The following GRM7 variants were observed in gnomAD, a reference collection of about 807,000 sequenced individuals.
The protein encoded by GRM7 is metabotropic glutamate receptor 7.
A neutral mutation model predicts 84.5 loss-of-function variants in GRM7; 35 were observed. That is an observed-to-expected ratio of 0.41 (90% CI 0.32 to 0.55). GRM7 has a LOEUF of 0.55. GRM7 is among the 20% of genes least tolerant of loss of function. The pLI is 0.19. For missense variants in GRM7, 1,003 were observed against 1,194.6 expected (o/e 0.84, Z 2.36); for synonymous variants, 487 against 455.1 (o/e 1.07, Z -0.89).
At chr3:7,661,894 A>C (rs1699472638) in intron 8 of GRM7, among the ~76,000 whole-genome samples, 1 of 151,142 alleles carries the variant, frequency 6.6e-6, no homozygotes, top group African/African-American at 2.4e-5. Flanking sequence ...CTACCACATG[A>C]TCCAGCCATT....
chr3:6,997,964 AT>A (rs1694879414), intron 1 of GRM7, among the ~76,000 whole-genome samples: 1 of 151,574 alleles, frequency 6.6e-6, no homozygotes, highest in Non-Finnish European at 1.5e-5. Flanking sequence ...TACTAAAAAT[AT>A]AAAATTAGCT....
chr3:7,430,221 G>A (rs1461824760), intron 5 of GRM7, among the ~76,000 whole-genome samples: 1 of 152,102 alleles, frequency 6.6e-6, no homozygotes, highest in African/African-American at 2.4e-5. Flanking sequence ...AATCTTTTTT[G>A]AATAAATAAG....
At chr3:7,237,249 G>T (rs1361610912) in intron 2 of GRM7, among the ~76,000 whole-genome samples, 1 of 152,162 alleles carries the variant, frequency 6.6e-6, no homozygotes, top group Non-Finnish European at 1.5e-5. Context: ...TTCTGATGTT[G>T]AATTTCAGCA....
In GRM7 at chr3:6,941,084, C is replaced by T. The variant is rs967638984; in HGVS notation, c.519+79177C>T. ...ACCTTTCCAGAAGACTCTGGAGTTG[C>T]TACTCATGGCTGGACGTCAATAGCT... On this transcript the variant is annotated intron_variant, in intron 1 of 9. Transcript: ENST00000357716. 3.9e-5 allele frequency among the ~76,000 whole-genome samples: 6 copies of T among 152,168 alleles called. No homozygotes were observed. The East Asian group carries it at 1.2e-3, about 29-fold the overall frequency.
chr3:7,211,923 G>C (rs1696443385), intron 2 of GRM7, among the ~76,000 whole-genome samples: 1 of 151,112 alleles, frequency 6.6e-6, no homozygotes, highest in African/African-American at 2.4e-5. Flanking sequence ...AGTCACCCTA[G>C]CTCCGTGGCC....
chr3:7,435,063 T>G (rs1286537670), intron 5 of GRM7, among the ~76,000 whole-genome samples: 2 of 152,176 alleles, frequency 1.3e-5, no homozygotes, highest in Admixed American at 1.3e-4. Context: ...TTACCTAAAT[T>G]AATTTATTGG....
intron 4 of GRM7, among the ~76,000 whole-genome samples, chr3:7,359,092 A>ACTCAGTCCACGCCTTGTTGTT (rs1693542995): frequency 2.1e-5 from 3 of 139,794 alleles, no homozygotes; most frequent in Non-Finnish European, 3.1e-5. Flanking sequence ...AGCCTGAGTG[A>ACTCAGTCCACGCCTTGTTGTT]TAGAGTGAGA....
intron 7 of GRM7, among the ~76,000 whole-genome samples, chr3:7,510,112 A>G (rs1164937854): frequency 6.6e-6 from 1 of 152,144 alleles, no homozygotes; most frequent in African/African-American, 2.4e-5. Context: ...TAGAGCTTTA[A>G]ACCCCCACTT....
At chr3:7,053,419 TTCTG>T (rs1697084240) in intron 1 of GRM7, among the ~76,000 whole-genome samples, 1 of 151,646 alleles carries the variant, frequency 6.6e-6, no homozygotes, top group Non-Finnish European at 1.5e-5. Flanking sequence ...TTATCCCTGT[TTCTG>T]TCTTTTATTC....
intron 4 of GRM7, among the ~76,000 whole-genome samples, chr3:7,359,447 G>C (rs1257211466): frequency 1.4e-5 from 2 of 142,772 alleles, no homozygotes; most frequent in Non-Finnish European, 3.0e-5. Flanking sequence ...CGATTCTCCT[G>C]CCTCAGTCTC....
intron 1 of GRM7, among the ~76,000 whole-genome samples, chr3:6,873,519 T>C (rs141805026): frequency 3.6e-4 from 55 of 152,284 alleles, no homozygotes; most frequent in African/African-American, 1.3e-3. Flanking sequence ...CTATCCCCAA[T>C]GGTGAAATAA....
intron 2 of GRM7, among the ~76,000 whole-genome samples, chr3:7,152,672 C>G (rs982103705): frequency 6.6e-6 from 1 of 152,212 alleles, no homozygotes; most frequent in African/African-American, 2.4e-5. Context: ...AAAGCTCTCT[C>G]TTACTCAGTC....
chr3:7,400,158 A>G (rs1695389182), intron 4 of GRM7, among the ~76,000 whole-genome samples: 1 of 152,170 alleles, frequency 6.6e-6, no homozygotes, highest in African/African-American at 2.4e-5. Flanking sequence ...CATCTTTCCC[A>G]TCTGGTGAAC....
At chr3:7,201,065 G>A (rs1280552186) in intron 2 of GRM7, among the ~76,000 whole-genome samples, 5 of 149,412 alleles carry the variant, frequency 3.3e-5, no homozygotes, top group Admixed American at 2.7e-4. Context: ...TGCCTCCTGG[G>A]TTCATGCCAT....
chr3:7,716,102 C>T (rs988880982), intron 9 of GRM7, among the ~76,000 whole-genome samples: 39 of 152,212 alleles, frequency 2.6e-4, no homozygotes, highest in African/African-American at 8.7e-4. Context: ...GAAAACCCAA[C>T]ATCTAATTCA....
At chr3:6,915,995 T>C (rs1196146806) in intron 1 of GRM7, among the ~76,000 whole-genome samples, 2 of 152,186 alleles carry the variant, frequency 1.3e-5, no homozygotes, top group African/African-American at 2.4e-5. Flanking sequence ...GAACTCAGTT[T>C]GGGAAGAATT....
intron 4 of GRM7, among the ~76,000 whole-genome samples, chr3:7,312,780 C>A (rs1258129725): frequency 6.6e-6 from 1 of 151,892 alleles, no homozygotes; most frequent in Non-Finnish European, 1.5e-5. Context: ...AAAAAAATGT[C>A]ATGTTAATAG....
intron 4 of GRM7, among the ~76,000 whole-genome samples, chr3:7,388,627 A>G (rs1694876034): frequency 6.6e-6 from 1 of 151,614 alleles, no homozygotes; most frequent in South Asian, 2.1e-4. Context: ...TTACTCGTTG[A>G]TCTGTTCGGG....
At chr3:7,173,402 T>C (rs1432600469) in intron 2 of GRM7, among the ~76,000 whole-genome samples, 1 of 152,030 alleles carries the variant, frequency 6.6e-6, no homozygotes. Context: ...CTCCACCCCA[T>C]CCCTCTTTTG....
Sources: allele counts gnomAD v4.1 joint callset (sites outside exome capture counted in the v4.1 genomes callset), GRCh38; gene constraint gnomAD v4.1.1; transcripts MANE v1.5; gene names NCBI Gene and HGNC (gene_info 2026-07-23, HGNC 2026-07-21).